The following CDH12 variants were observed in gnomAD, a reference collection of about 807,000 sequenced individuals.
CDH12 encodes cadherin-12.
In CDH12, 41 loss-of-function variants were observed where a neutral mutation model predicts 74.1. That is an observed-to-expected ratio of 0.55 (90% CI 0.43 to 0.72). The LOEUF (loss-of-function observed/expected upper bound fraction) is 0.72. Among genes scored for constraint, CDH12 ranks in the 30% least tolerant of loss-of-function variants. CDH12 has a pLI of 0.00. For synonymous variants in CDH12, 399 were observed against 355.0 expected (o/e 1.12, Z -1.39); for missense variants, 945 against 977.2 (o/e 0.97, Z 0.44).
At chr5:21,997,861 G>A (rs1183261892) in intron 5 of CDH12, among the ~76,000 whole-genome samples, 2 of 152,090 alleles carry the variant, frequency 1.3e-5, no homozygotes, top group Non-Finnish European at 2.9e-5. Flanking sequence ...AGGATTGCCT[G>A]TAAAATCTAC....
intron 1 of CDH12, among the ~76,000 whole-genome samples, chr5:22,762,983 A>G (rs1241930639): frequency 6.6e-6 from 1 of 151,638 alleles, no homozygotes; most frequent in Non-Finnish European, 1.5e-5. Context: ...AACACTGAAA[A>G]TTAAAAAAAA....
intron 4 of CDH12, among the ~76,000 whole-genome samples, chr5:22,095,356 A>G (rs1467527238): frequency 1.3e-5 from 2 of 152,006 alleles, no homozygotes; most frequent in Non-Finnish European, 2.9e-5. Flanking sequence ...GACACGTTTT[A>G]TCTGTGGACC....
At chr5:22,680,570 G>C (rs978525211) in intron 1 of CDH12, among the ~76,000 whole-genome samples, 1 of 151,996 alleles carries the variant, frequency 6.6e-6, no homozygotes, top group Admixed American at 6.6e-5. Flanking sequence ...GAATAAAATC[G>C]AGTTGCTTAA....
At chr5:22,551,464 C>A (rs1214281160) in intron 1 of CDH12, among the ~76,000 whole-genome samples, 1 of 152,044 alleles carries the variant, frequency 6.6e-6, no homozygotes, top group Non-Finnish European at 1.5e-5. Flanking sequence ...TGGTTGCTAC[C>A]CAACCTTCAC....
At chr5:22,773,211 A>G (rs1289819736) in intron 1 of CDH12, among the ~76,000 whole-genome samples, 2 of 152,108 alleles carry the variant, frequency 1.3e-5, no homozygotes, top group Non-Finnish European at 2.9e-5. Flanking sequence ...TCCTAAGCAA[A>G]AAGATCAAAA....
chr5:22,106,906 T>G (rs1744477424), intron 4 of CDH12, among the ~76,000 whole-genome samples: 1 of 152,168 alleles, frequency 6.6e-6, no homozygotes, highest in Non-Finnish European at 1.5e-5. Flanking sequence ...AATATAACTT[T>G]GAAGAGGAGT....
At chr5:22,833,793 C>A (rs1016278332) in intron 1 of CDH12, among the ~76,000 whole-genome samples, 1 of 151,982 alleles carries the variant, frequency 6.6e-6, no homozygotes, top group Non-Finnish European at 1.5e-5. Context: ...TACATTATAC[C>A]AGAATTTCAT....
At chr5:22,046,426 A>ATTTTTTTT (rs1739955012) in intron 5 of CDH12, among the ~76,000 whole-genome samples, 16 of 127,454 alleles carry the variant, frequency 1.3e-4, no homozygotes, top group African/African-American at 4.9e-4. Flanking sequence ...TGGTCATTTA[A>ATTTTTTTT]TTTCTTTTTT....
chr5:22,408,161 C>A (rs1011349456), intron 2 of CDH12, among the ~76,000 whole-genome samples: 14 of 150,046 alleles, frequency 9.3e-5, no homozygotes, highest in African/African-American at 3.5e-4. Flanking sequence ...TTCAGCAAAA[C>A]CTATAGCAAA....
intron 5 of CDH12, among the ~76,000 whole-genome samples, chr5:22,066,237 T>C (rs1454266342): frequency 6.6e-6 from 1 of 152,108 alleles, no homozygotes; most frequent in African/African-American, 2.4e-5. Flanking sequence ...TAGCGGTGAT[T>C]TGTGAGATTT....
intron 9 of CDH12, among the ~76,000 whole-genome samples, chr5:21,806,770 C>T (rs1171973289): frequency 1.3e-5 from 2 of 152,180 alleles, no homozygotes; most frequent in African/African-American, 4.8e-5. Flanking sequence ...TCTAGCATGG[C>T]GGACTCCATC....
chr5:22,391,957 G>A lies in CDH12; in HGVS notation c.-333+13300C>T, dbSNP rs111989547. ...TTAAATCAGAGAACTTGAGATTTAA[G>A]CAAGAGGCAGCAATGAAAGGCACCA... On this transcript the variant is annotated intron_variant, in intron 3 of 14. Coordinates refer to ENST00000382254, the MANE Select transcript of CDH12 (RefSeq NM_004061.5). Among the ~76,000 whole-genome samples the A allele has an allele frequency of 3.0e-3, 464 of 152,228 alleles. 6 individuals carry two copies. The highest frequency in any genetic ancestry group is 0.011 in the African/African-American group (447 of 41,548).
At chr5:22,035,895 C>G (rs932102596) in intron 5 of CDH12, among the ~76,000 whole-genome samples, 14 of 152,254 alleles carry the variant, frequency 9.2e-5, no homozygotes, top group African/African-American at 3.4e-4. Flanking sequence ...CATATGCCAG[C>G]TGCTAGAATT....
chr5:22,411,471 C>G (rs921001079), intron 2 of CDH12, among the ~76,000 whole-genome samples: 2 of 151,962 alleles, frequency 1.3e-5, no homozygotes, highest in Non-Finnish European at 2.9e-5. Context: ...TCATGGTAAA[C>G]TTCACCATGT....
At chr5:22,483,710 A>G in intron 2 of CDH12, among the ~76,000 whole-genome samples, 1 of 122,728 alleles carries the variant, frequency 8.1e-6, no homozygotes, top group South Asian at 2.6e-4. Flanking sequence ...GGATAAGACC[A>G]GGTTGGGCAA....
At chr5:22,290,804 T>C (rs114327380) in intron 3 of CDH12, among the ~76,000 whole-genome samples, 494 of 152,216 alleles carry the variant, frequency 3.2e-3, no homozygotes, top group Non-Finnish European at 5.3e-3. Context: ...GACTGAGTTA[T>C]GAAGAAACAG....
At chr5:21,989,706 G>A (rs917288779) in intron 5 of CDH12, among the ~76,000 whole-genome samples, 1 of 152,138 alleles carries the variant, frequency 6.6e-6, no homozygotes, top group African/African-American at 2.4e-5. Flanking sequence ...AACACATTAT[G>A]TTTAACATAA....
At chr5:22,690,751 T>C (rs746340591) in intron 1 of CDH12, among the ~76,000 whole-genome samples, 1 of 152,196 alleles carries the variant, frequency 6.6e-6, no homozygotes, top group Admixed American at 6.6e-5. Flanking sequence ...TTTAGGGGTA[T>C]TATAAAATTC....
chr5:22,156,642 G>A (rs1375102609), intron 4 of CDH12, among the ~76,000 whole-genome samples: 1 of 152,070 alleles, frequency 6.6e-6, no homozygotes, highest in African/African-American at 2.4e-5. Flanking sequence ...GTAGCTGGCT[G>A]GGTTTTGCTA....
Sources: allele counts gnomAD v4.1 joint callset (sites outside exome capture counted in the v4.1 genomes callset), GRCh38; gene constraint gnomAD v4.1.1; transcripts MANE v1.5; gene names NCBI Gene and HGNC (gene_info 2026-07-23, HGNC 2026-07-21).